MME: variants seen among roughly 807,000 people sequenced by gnomAD.
The protein encoded by MME is neprilysin.
A neutral mutation model predicts 113.2 loss-of-function variants in MME; 98 were observed. That is an observed-to-expected ratio of 0.87 (90% CI 0.74 to 1.02). The LOEUF (loss-of-function observed/expected upper bound fraction) is 1.02. Among genes scored for constraint, MME ranks in the 50% least tolerant of loss-of-function variants. The probability of loss-of-function intolerance (pLI) is 0.00; values close to 1 mark genes in which losing one functional copy is unlikely to be tolerated. For missense variants in MME, 836 were observed against 896.0 expected, an observed-to-expected ratio of 0.93 and a Z score of 0.86; for synonymous variants, 292 against 300.6, an observed-to-expected ratio of 0.97 and a Z score of 0.30.
rs1436008140 is a variant in MME, at chr3:155,085,043, T to G, written c.161-16T>G. ...TTGTGTTGCCAATATTTATGTATATTCTCTCCTTTTTCTAGATGGTATTTG... is the reference window on the plus strand; with the variant it reads ...TTGTGTTGCCAATATTTATGTATATGCTCTCCTTTTTCTAGATGGTATTTG... On this transcript the variant is annotated splice_polypyrimidine_tract_variant and intron_variant, in intron 2 of 22. Coordinates refer to ENST00000360490, the MANE Select transcript of MME (RefSeq NM_007289.4). The G allele has an allele frequency of 6.4e-7, 1 of 1,568,816 alleles. No individual in the cohort carries two copies. The highest frequency in any genetic ancestry group is 8.7e-7 in the Non-Finnish European group (1 of 1,146,150).
chr3:155,143,374 A>G, intron 12 of MME, 69 bp from the exon 13 acceptor site: 1 of 1,566,622 alleles, frequency 6.4e-7, no homozygotes, highest in Admixed American at 1.7e-5. Context: ...CATTTGTGAA[A>G]TGTGTGCTCT....
chr3:155,164,537 A>G (rs1189067333), intron 17 of MME, among the ~76,000 whole-genome samples: 1 of 147,294 alleles, frequency 6.8e-6, no homozygotes, highest in African/African-American at 2.6e-5. Context: ...AATATTTAAT[A>G]AGAACCATAA....
At chr3:155,061,479 G>GCATTATT (rs1559896059) in intron 1 of MME, among the ~76,000 whole-genome samples, 1 of 149,750 alleles carries the variant, frequency 6.7e-6, no homozygotes, top group African/African-American at 2.5e-5. Flanking sequence ...AAGGTATCAA[G>GCATTATT]CATTATTCAT....
At chr3:155,048,298 A>C (rs1467936039) in intron 1 of MME, among the ~76,000 whole-genome samples, 1 of 152,184 alleles carries the variant, frequency 6.6e-6, no homozygotes, top group Admixed American at 6.5e-5. Flanking sequence ...CAGAGTCACA[A>C]AGGAAAAATC....
intron 8 of MME, among the ~76,000 whole-genome samples, chr3:155,133,663 CATAT>C (rs61223926): frequency 0.1 from 14,161 of 136,618 alleles, 804 homozygotes; most frequent in Middle Eastern, 0.14. Context: ...ATACACACAC[CATAT>C]ATATATATAT....
rs61761161 is a variant in MME, at chr3:155,082,252, C to T, written c.-11+1786C>T. On this transcript the variant is annotated intron_variant, in intron 1 of 22. Transcript: ENST00000360490. ...ACTGACTGTCATTTCTAAGGAAGAACTAAGAAAAAAAAAAGTCCTTTTATA... is the reference window on the plus strand; with the variant it reads ...ACTGACTGTCATTTCTAAGGAAGAATTAAGAAAAAAAAAAGTCCTTTTATA... Among the ~76,000 whole-genome samples the T allele has an allele frequency of 5.4e-3, 810 of 151,286 alleles. 3 individuals carry two copies. Among genetic ancestry groups the T allele is most frequent in the Admixed American group, 0.01 (157 of 15,220 alleles).
At chr3:155,143,257 T>C (rs1387349946) in intron 12 of MME, among the ~76,000 whole-genome samples, 186 bp from the exon 13 acceptor site, 1 of 152,194 alleles carries the variant, frequency 6.6e-6, no homozygotes, top group East Asian at 1.9e-4. Flanking sequence ...TGCCTAGTTT[T>C]CAGATCATAT....
chr3:155,149,116 C>A (rs1156734738), intron 16 of MME, among the ~76,000 whole-genome samples: 7 of 152,120 alleles, frequency 4.6e-5, no homozygotes, highest in Admixed American at 4.6e-4. Context: ...CTGTGGTAGT[C>A]AAATAGGAGA....
chr3:155,066,695 T>C (rs1233830846), intron 1 of MME, among the ~76,000 whole-genome samples: 2 of 152,198 alleles, frequency 1.3e-5, no homozygotes, highest in African/African-American at 2.4e-5. Context: ...TGTCACTGGA[T>C]GACTGATTGA....
At chr3:155,158,049 G>T (rs917432759) in intron 16 of MME, among the ~76,000 whole-genome samples, 1 of 152,004 alleles carries the variant, frequency 6.6e-6, no homozygotes, top group Admixed American at 6.6e-5. Flanking sequence ...ACACAAGATG[G>T]ATAATATATA....
At chr3:155,035,632 TG>T (rs1447277458) in intron 1 of MME, among the ~76,000 whole-genome samples, 30 of 150,950 alleles carry the variant, frequency 2.0e-4, no homozygotes, top group Middle Eastern at 3.4e-3. Context: ...TGTAGATATA[TG>T]GGGGGCAGGT....
At position 155,125,610 on chromosome 3, in the gene MME, G is replaced by A. The variant is rs549512416; in HGVS notation, c.720+6799G>A. ...TGAGTACCTGGGATTACAGGTGCCC[G>A]CCACCGCGCCCAGCTAATTTTTGTA... On this transcript the variant is annotated intron_variant, in intron 8 of 22. Coordinates refer to ENST00000360490, the MANE Select transcript of MME (RefSeq NM_007289.4). Among the ~76,000 whole-genome samples the A allele has an allele frequency of 2.4e-4, 36 of 151,502 alleles. No homozygotes were observed. In the Middle Eastern group the frequency reaches 0.01, roughly 43 times the overall value.
At chr3:155,127,280 G>A (rs1290870120) in intron 8 of MME, among the ~76,000 whole-genome samples, 8 of 152,156 alleles carry the variant, frequency 5.3e-5, no homozygotes, top group Non-Finnish European at 2.9e-5. Flanking sequence ...GGGAATGTCT[G>A]GGAGCCGGCT....
intron 14 of MME, among the ~76,000 whole-genome samples, chr3:155,145,048 A>C (rs1323598820): frequency 6.6e-6 from 1 of 152,194 alleles, no homozygotes; most frequent in Admixed American, 6.5e-5. Context: ...TATTTTAATA[A>C]GATAATCAAC....
intron 16 of MME, among the ~76,000 whole-genome samples, chr3:155,152,107 T>C (rs935039167): frequency 6.6e-6 from 1 of 151,826 alleles, no homozygotes; most frequent in Non-Finnish European, 1.5e-5. Flanking sequence ...CACTCCAGAG[T>C]TCCTTCACAT....
In MME at chr3:155,074,045, CCT is replaced by C. The variant is rs770461077; in HGVS notation, c.-10-10094_-10-10093del. Among the ~76,000 whole-genome samples, 190 of 146,602 alleles carry C rather than the reference CCT, an allele frequency of 1.3e-3. 1 individual carries two copies. Among genetic ancestry groups the C allele is most frequent in the South Asian group, 1.3e-3 (6 of 4,650 alleles). On this transcript the variant is annotated intron_variant, in intron 1 of 22. Coordinates refer to the MME transcript ENST00000492661. ...CTTCTCTTCATCTCTCCTTCCTTTT[CCT>C]CTCTCTCTCTCTCTCTCTTTTCCAA...
At position 155,084,274 on chromosome 3, in the gene MME, T is replaced by C. The variant is rs1295436889; in HGVS notation, c.107T>C (p.Leu36Pro). Residue 36 changes from leucine to proline, a missense_variant, in exon 2 of 23, where the codon CTG (leucine) becomes CCG (proline). Coordinates refer to ENST00000360490, the MANE Select transcript of MME (RefSeq NM_007289.4). ...PLEISLSVLV[L>P]LLTIIAVTMI... ...GAGATCAGCCTCTCGGTCCTTGTCCTGCTCCTCACCATCATAGCTGTGACA... is the reference window on the plus strand; with the variant it reads ...GAGATCAGCCTCTCGGTCCTTGTCCCGCTCCTCACCATCATAGCTGTGACA... 6.2e-7 allele frequency: 1 copy of C among 1,614,196 alleles called. No homozygotes were observed. The highest frequency in any genetic ancestry group is 1.1e-5 in the South Asian group (1 of 91,084).
intron 3 of MME, among the ~76,000 whole-genome samples, chr3:155,098,428 C>T (rs1459649043): frequency 5.9e-5 from 9 of 151,790 alleles, no homozygotes; most frequent in South Asian, 4.2e-4. Flanking sequence ...TGGTGGTGCC[C>T]GCCTGTAGTC....
intron 1 of MME, among the ~76,000 whole-genome samples, chr3:155,024,989 T>G (rs1712734051): frequency 6.6e-6 from 1 of 152,208 alleles, no homozygotes; most frequent in Non-Finnish European, 1.5e-5. Context: ...TTTTTTCAAC[T>G]TGGAGAAAAT....
Sources: gnomAD v4.1 joint callset for allele counts (sites outside exome capture counted in the v4.1 genomes callset) on GRCh38, gnomAD v4.1.1 for gene constraint, MANE v1.5 for transcripts, NCBI Gene and HGNC (gene_info 2026-07-23, HGNC 2026-07-21) for gene names.